The following OSBPL5 variants were observed in gnomAD, a reference collection of about 807,000 sequenced individuals.
The protein encoded by OSBPL5 is oxysterol binding protein like 5.
OSBPL5 carries 71 observed loss-of-function variants against 111.2 expected under a neutral mutation model. The observed-to-expected ratio is 0.64, with a 90% CI of 0.53 to 0.78. The LOEUF (loss-of-function observed/expected upper bound fraction) is 0.78. Ranked by LOEUF, OSBPL5 falls within the 30% of genes least tolerant of loss-of-function variation. The pLI is 0.00. For synonymous variants in OSBPL5, 549 were observed against 513.9 expected (o/e 1.07, Z -0.93); for missense variants, 1,210 against 1,189.3 (o/e 1.02, Z -0.26).
intron 3 of OSBPL5, among the ~76,000 whole-genome samples, chr11:3,125,259 G>A (rs1413854096): frequency 6.6e-6 from 1 of 152,176 alleles, no homozygotes; most frequent in East Asian, 1.9e-4. Flanking sequence ...AACCACCTAC[G>A]GAATGGGAGG....
At chr11:3,143,667 G>C (rs762852270) in intron 1 of OSBPL5, among the ~76,000 whole-genome samples, 5 of 152,258 alleles carry the variant, frequency 3.3e-5, no homozygotes, top group Non-Finnish European at 5.9e-5. Context: ...TCTGGACACG[G>C]AACGCAGACT....
At chr11:3,091,750 G>C (rs1187047802) in intron 19 of OSBPL5, among the ~76,000 whole-genome samples, 1 of 152,190 alleles carries the variant, frequency 6.6e-6, no homozygotes, top group African/African-American at 2.4e-5. Flanking sequence ...GCGGCCCCCA[G>C]CTTGCTGGAG....
At chr11:3,108,872 G>A (rs1590660882) in intron 7 of OSBPL5, among the ~76,000 whole-genome samples, 1 of 152,142 alleles carries the variant, frequency 6.6e-6, no homozygotes, top group South Asian at 2.1e-4. Flanking sequence ...GGGTTCAAGC[G>A]ATTCTCCTGC....
chr11:3,163,122 C>T (rs1324498806), intron 1 of OSBPL5, among the ~76,000 whole-genome samples: 1 of 152,244 alleles, frequency 6.6e-6, no homozygotes, highest in Non-Finnish European at 1.5e-5. Context: ...GTCAGAGCTT[C>T]CAGCTCCCCA....
chr11:3,100,618 G>A (rs181490575), intron 13 of OSBPL5, among the ~76,000 whole-genome samples: 3 of 152,272 alleles, frequency 2.0e-5, no homozygotes, highest in East Asian at 3.9e-4. Flanking sequence ...TTGGGGCCAC[G>A]AGTCGCAGGT....
rs1442943026 is a variant in OSBPL5, at chr11:3,126,230, T to C, written c.219+243A>G. Among the ~76,000 whole-genome samples the C allele has an allele frequency of 6.6e-6, 1 of 152,180 alleles. No homozygotes were observed. Among genetic ancestry groups the C allele is most frequent in the Non-Finnish European group, 1.5e-5 (1 of 68,030 alleles). ...ACCTGAGAGAACTGAAAACTGATAGTCAAATACACGTGCACACATGTTCAC... is the reference window on the plus strand; with the variant it reads ...ACCTGAGAGAACTGAAAACTGATAGCCAAATACACGTGCACACATGTTCAC... On this transcript the variant is annotated intron_variant, in intron 3 of 21. Transcript: ENST00000263650. This position sits in a 1 kb window ranked among gnomAD's most constrained non-coding sequence, Gnocchi z 6.5.
At chr11:3,135,097 G>C (rs1303572212) in intron 1 of OSBPL5, among the ~76,000 whole-genome samples, 1 of 152,240 alleles carries the variant, frequency 6.6e-6, no homozygotes, top group Non-Finnish European at 1.5e-5. Context: ...CGTTTCCCCA[G>C]CTGTCAGTCC....
intron 1 of OSBPL5, among the ~76,000 whole-genome samples, chr11:3,149,604 C>T (rs1303019814): frequency 6.6e-6 from 1 of 152,222 alleles, no homozygotes. Context: ...TGCAGCCTTG[C>T]CCAGGCTCTT....
At chr11:3,157,498 G>A (rs1846811978) in intron 1 of OSBPL5, among the ~76,000 whole-genome samples, 1 of 152,224 alleles carries the variant, frequency 6.6e-6, no homozygotes, top group Admixed American at 6.5e-5. Context: ...GGCTTTGCAG[G>A]CCTGGGAAGG....
At chr11:3,094,094 G>A in intron 15 of OSBPL5, 143 bp downstream of exon 15, 1 of 833,704 alleles carries the variant, frequency 1.2e-6, no homozygotes, top group South Asian at 1.7e-5. Flanking sequence ...GGCCCTGTCT[G>A]TGTTCCGGGA....
At position 3,092,587 on chromosome 11, in the gene OSBPL5, A is replaced by C. The variant is rs371607503; in HGVS notation, c.2133-29T>G. ...GAGGGTCCAGAGGGCGTTCATCAGC[A>C]CAGGCAGTGGCCCTCAGGTGAGGGG... On this transcript the variant is annotated intron_variant, in intron 18 of 21. Coordinates refer to ENST00000263650, the MANE Select transcript of OSBPL5 (RefSeq NM_020896.4). The surrounding 1 kb of genome is among the most constrained non-coding windows in gnomAD (Gnocchi z 5.4). The C allele has an allele frequency of 6.4e-7, 1 of 1,554,206 alleles. No homozygotes were observed. Among genetic ancestry groups the C allele is most frequent in the Admixed American group, 1.9e-5 (1 of 53,660 alleles).
At chr11:3,112,056 C>CGTGT (rs1564837553) in intron 7 of OSBPL5, among the ~76,000 whole-genome samples, 2 of 32,040 alleles carry the variant, frequency 6.2e-5, no homozygotes, top group Non-Finnish European at 1.5e-4. Context: ...CATGTGTGTG[C>CGTGT]ATGTGTATGT....
At chr11:3,133,987 G>GT (rs1199995475) in intron 1 of OSBPL5, among the ~76,000 whole-genome samples, 1 of 152,068 alleles carries the variant, frequency 6.6e-6, no homozygotes, top group Non-Finnish European at 1.5e-5. Flanking sequence ...CTTGGTGGGG[G>GT]GGGGGTCACT....
chr11:3,151,803 ATGGGCCCCGTCAC>A (rs1175972603), intron 1 of OSBPL5, among the ~76,000 whole-genome samples: 1 of 152,222 alleles, frequency 6.6e-6, no homozygotes, highest in African/African-American at 2.4e-5. Flanking sequence ...GGGAACCTGG[ATGGGCCCCGTCAC>A]TGGGGTCACC....
chr11:3,094,266 A>G lies in OSBPL5; in HGVS notation c.1690T>C (p.Phe564Leu). ...KVTIECAKNNFQAQLEFKLKP... is the reference protein window; with the variant it reads ...KVTIECAKNNLQAQLEFKLKP... Reference sequence around the variant, plus strand: ...AGTTTGAATTCCAGCTGGGCCTGGAAGTTGTTCTTCGCACACTCGATGGTG... The same window carrying G: ...AGTTTGAATTCCAGCTGGGCCTGGAGGTTGTTCTTCGCACACTCGATGGTG... The change falls in exon 15 of 22, where the codon TTC (phenylalanine) becomes CTC (leucine). Residue 564 changes from phenylalanine (F) to leucine (L), a missense_variant. By Grantham distance (22) the Phe-to-Leu change is conservative. Coordinates refer to ENST00000263650, the MANE Select transcript of OSBPL5 (RefSeq NM_020896.4). 6.2e-7 allele frequency: 1 copy of G among 1,613,594 alleles called. No homozygotes were observed.
intron 1 of OSBPL5, among the ~76,000 whole-genome samples, chr11:3,156,430 G>A (rs1185993167): frequency 6.6e-6 from 1 of 152,204 alleles, no homozygotes; most frequent in African/African-American, 2.4e-5. Context: ...GTGAGCGGAA[G>A]TCAGTGGTCA....
chr11:3,117,799 T>C (rs1461317119), intron 7 of OSBPL5, among the ~76,000 whole-genome samples: 1 of 152,224 alleles, frequency 6.6e-6, no homozygotes, highest in African/African-American at 2.4e-5. Flanking sequence ...AGCTGTGCTT[T>C]CTTAAAGCCC....
intron 1 of OSBPL5, among the ~76,000 whole-genome samples, chr11:3,153,777 C>T (rs1846663015): frequency 6.6e-6 from 1 of 152,282 alleles, no homozygotes; most frequent in Non-Finnish European, 1.5e-5. Flanking sequence ...CAAGTTGGCA[C>T]GACTCCCGAG....
At chr11:3,152,743 G>A (rs1051141805) in intron 1 of OSBPL5, among the ~76,000 whole-genome samples, 2 of 152,092 alleles carry the variant, frequency 1.3e-5, no homozygotes, top group South Asian at 4.2e-4. Flanking sequence ...TTTGATACAC[G>A]CTGCTGGCTG....
Sources: allele counts gnomAD v4.1 joint callset (sites outside exome capture counted in the v4.1 genomes callset), GRCh38; gene constraint gnomAD v4.1.1; non-coding constraint Gnocchi (gnomAD v3.1); transcripts MANE v1.5; gene names NCBI Gene and HGNC (gene_info 2026-07-23, HGNC 2026-07-21).